Variants in FILIP1L observed in about 807,000 individuals in gnomAD.
FILIP1L encodes the protein filamin A-interacting protein 1-like.
A neutral mutation model predicts 96.6 loss-of-function variants in FILIP1L; 55 were observed. That is an observed-to-expected ratio of 0.57 (90% confidence interval 0.46 to 0.71). FILIP1L has a LOEUF of 0.71. Ranked by LOEUF, FILIP1L falls within the 30% of genes least tolerant of loss-of-function variation. The probability of loss-of-function intolerance (pLI) is 0.00; values close to 1 mark genes in which losing one functional copy is unlikely to be tolerated. For synonymous variants in FILIP1L, 467 were observed against 473.9 expected (o/e 0.99, Z 0.19); for missense variants, 1,304 against 1,321.2 (o/e 0.99, Z 0.20).
At chr3:99,902,779 G>T (rs1303098092) in intron 4 of FILIP1L, among the ~76,000 whole-genome samples, 1 of 152,156 alleles carries the variant, frequency 6.6e-6, no homozygotes, top group Non-Finnish European at 1.5e-5. Flanking sequence ...CATGGAAAAG[G>T]TTTAACAGAA....
Position 99,937,375 on chromosome 3 carries a change from ATTGT to A in FILIP1L, c.-10-6349_-10-6346del, listed in dbSNP as rs1296481465. 3.9e-5 allele frequency among the ~76,000 whole-genome samples: 6 copies of A among 152,328 alleles called. No individual in the cohort carries two copies. The East Asian group carries it at 1.2e-3, about 29-fold the overall frequency. On this transcript the variant is annotated intron_variant, in intron 1 of 5. Coordinates refer to ENST00000477258, the MANE Select transcript of FILIP1L (RefSeq NM_001387850.1). ...CAATAAAGATGTTCTGTTTTCATAT[ATTGT>A]TTATGTGCAAAAACTATGTATTTTT...
intron 5 of FILIP1L, among the ~76,000 whole-genome samples, chr3:99,837,150 T>G (rs575305522): frequency 6.6e-6 from 1 of 152,354 alleles, no homozygotes; most frequent in South Asian, 2.1e-4. Context: ...AAATTTCATA[T>G]GAAATAAATG....
Position 99,930,790 on chromosome 3 carries a change from G to C in FILIP1L, c.231C>G (p.Ser77Arg). 1 of 1,613,170 alleles carries C rather than the reference G, an allele frequency of 6.2e-7. No individual in the cohort carries two copies. The highest frequency in any genetic ancestry group is 2.2e-5 in the East Asian group (1 of 44,780). The change falls in exon 2 of 6, where the codon AGC becomes AGG. Residue 77 changes from serine to arginine, a missense_variant. By Grantham distance (110) the Ser-to-Arg change is moderately radical. Coordinates refer to ENST00000477258, the MANE Select transcript of FILIP1L (RefSeq NM_001387850.1). Reference sequence around the variant, plus strand: ...TGACCTGCAGTTCTCCCTCCAGAATGCTGAGGAGAAATAACAGGTCATCTC... The same window carrying C: ...TGACCTGCAGTTCTCCCTCCAGAATCCTGAGGAGAAATAACAGGTCATCTC... ...LSRDDLLFLLSILEGELQARD... is the reference protein window; with the variant it reads ...LSRDDLLFLLRILEGELQARD...
rs149721687 is a variant in FILIP1L, at chr3:100,088,322, G to T, written c.-11+25731C>A. ...TTTCAGAAGTTAATATAGGTTTTCA[G>T]TGTAACGCTCAGACATTATGGAATA... On this transcript the variant is annotated intron_variant, in intron 1 of 5. Coordinates refer to ENST00000477258, the MANE Select transcript of FILIP1L (RefSeq NM_001387850.1). 2.5e-3 allele frequency among the ~76,000 whole-genome samples: 373 copies of T among 152,200 alleles called. 1 individual carries two copies. Among genetic ancestry groups the T allele is most frequent in the African/African-American group, 8.5e-3 (351 of 41,518 alleles).
chr3:99,848,236 CA>C (rs1302062517), intron 5 of FILIP1L, 58 bp downstream of exon 5: 2 of 1,589,388 alleles, frequency 1.3e-6, no homozygotes, highest in South Asian at 2.3e-5. Flanking sequence ...GAGTTCCTTG[CA>C]AAAATATCAG....
rs368696485 is a variant in FILIP1L, at chr3:99,879,771, T to C, written c.606-28701A>G. On this transcript the variant is annotated intron_variant, in intron 4 of 5. Transcript: ENST00000477258. ...CTTTGCCTCTGTGAGATAGTATATA[T>C]GGAAACACTGTCATGTACAAAGAAA... 2.0e-5 allele frequency among the ~76,000 whole-genome samples: 3 copies of C among 152,308 alleles called. No individual in the cohort carries two copies. The South Asian group carries it at 6.2e-4, about 32-fold the overall frequency.
intron 1 of FILIP1L, among the ~76,000 whole-genome samples, chr3:99,944,335 T>A (rs1380854885): frequency 1.3e-5 from 2 of 152,178 alleles, no homozygotes; most frequent in African/African-American, 4.8e-5. Context: ...TAACATGAAA[T>A]GACTTCTTGG....
intron 1 of FILIP1L, among the ~76,000 whole-genome samples, chr3:100,009,837 A>G (rs1348748430): frequency 2.0e-5 from 3 of 152,180 alleles, no homozygotes; most frequent in African/African-American, 7.2e-5. Flanking sequence ...TTATATGTAT[A>G]CGTGTCCACG....
Position 99,957,693 on chromosome 3 carries a change from C to CTTTTTTTTTTTTTTTTTTTTTTT in FILIP1L, c.-10-26686_-10-26664dup, listed in dbSNP as rs779350496. Among the ~76,000 whole-genome samples the CTTTTTTTTTTTTTTTTTTTTTTT allele has an allele frequency of 4.0e-3, 80 of 19,900 alleles. 23 individuals carry two copies. Among genetic ancestry groups the CTTTTTTTTTTTTTTTTTTTTTTT allele is most frequent in the African/African-American group, 4.9e-3 (29 of 5,976 alleles). 13.1% of individuals were successfully genotyped at this position (19,900 alleles called of 152,430 possible). On this transcript the variant is annotated intron_variant, in intron 1 of 5. Transcript: ENST00000477258. ...TTCTCCTTTTCTCTTTTCTTTCTTT[C>CTTTTTTTTTTTTTTTTTTTTTTT]TTTTTTTTTTTTTTTTTTTTTTTTT... is the stretch of plus-strand genomic sequence containing the variant.
At chr3:99,962,744 T>G (rs1003863244) in intron 1 of FILIP1L, among the ~76,000 whole-genome samples, 81 of 152,182 alleles carry the variant, frequency 5.3e-4, no homozygotes, top group Admixed American at 2.6e-4. Flanking sequence ...ACAGTTAGTT[T>G]AAATAACTTC....
chr3:99,847,681 A>G, intron 5 of FILIP1L, among the ~76,000 whole-genome samples: 1 of 152,212 alleles, frequency 6.6e-6, no homozygotes, highest in African/African-American at 2.4e-5. Context: ...ATATATCCCA[A>G]GCATGAAGTT....
chr3:100,056,504 T>C (rs2065465702), intron 1 of FILIP1L, among the ~76,000 whole-genome samples: 1 of 152,218 alleles, frequency 6.6e-6, no homozygotes, highest in Non-Finnish European at 1.5e-5. Context: ...TCTGCTCTTG[T>C]TGAGCTAGAG....
chr3:99,863,032 T>C (rs1944337034), intron 4 of FILIP1L, among the ~76,000 whole-genome samples: 1 of 152,210 alleles, frequency 6.6e-6, no homozygotes, highest in African/African-American at 2.4e-5. Context: ...TAGATACTCA[T>C]AGACTTGGTC....
intron 4 of FILIP1L, among the ~76,000 whole-genome samples, chr3:99,861,189 C>T (rs1446976072): frequency 3.3e-5 from 5 of 152,040 alleles, no homozygotes; most frequent in Admixed American, 6.6e-5. Flanking sequence ...AATACACCCC[C>T]GCCCTCCCAA....
intron 4 of FILIP1L, among the ~76,000 whole-genome samples, chr3:99,856,883 G>C (rs1440926449): frequency 6.6e-6 from 1 of 152,074 alleles, no homozygotes; most frequent in Non-Finnish European, 1.5e-5. Context: ...GAAACACATG[G>C]TATATCTAAA....
chr3:100,108,426 A>T (rs752989348), intron 1 of FILIP1L, among the ~76,000 whole-genome samples: 2 of 152,150 alleles, frequency 1.3e-5, no homozygotes. Context: ...TCTGCATTTT[A>T]TGGCTGAGGA....
chr3:100,035,386 G>A (rs1390293287), intron 1 of FILIP1L, among the ~76,000 whole-genome samples: 7 of 152,088 alleles, frequency 4.6e-5, no homozygotes, highest in Admixed American at 2.0e-4. Context: ...CAATTCTCCT[G>A]CCTCAGCCTC....
intron 1 of FILIP1L, among the ~76,000 whole-genome samples, chr3:99,966,970 G>C (rs964734129): frequency 6.6e-6 from 1 of 152,168 alleles, no homozygotes; most frequent in Non-Finnish European, 1.5e-5. Context: ...TGCTATACAG[G>C]TGGGGGATTG....
At chr3:99,996,592 T>G (rs1371517117) in intron 1 of FILIP1L, among the ~76,000 whole-genome samples, 1 of 152,084 alleles carries the variant, frequency 6.6e-6, no homozygotes, top group Non-Finnish European at 1.5e-5. Flanking sequence ...TACCCAAGAC[T>G]GGGAAGAAAA....
Sources: gnomAD v4.1 joint callset for allele counts (sites outside exome capture counted in the v4.1 genomes callset) on GRCh38, gnomAD v4.1.1 for gene constraint, MANE v1.5 for transcripts, NCBI Gene and HGNC (gene_info 2026-07-23, HGNC 2026-07-21) for gene names.